ABCC4: variants seen among roughly 807,000 people sequenced by gnomAD.
ABCC4 encodes ATP-binding cassette sub-family C member 4.
A neutral mutation model predicts 168.5 loss-of-function variants in ABCC4; 102 were observed. The ratio of observed to expected loss-of-function variants is 0.61; its 90% CI spans 0.52 to 0.71. The LOEUF (loss-of-function observed/expected upper bound fraction) is 0.71. Among genes scored for constraint, ABCC4 ranks in the 30% least tolerant of loss-of-function variants. ABCC4 has a pLI of 0.00. For synonymous variants in ABCC4, 617 were observed against 590.7 expected, an observed-to-expected ratio of 1.04 and a Z score of -0.65; for missense variants, 1,402 against 1,605.8, an observed-to-expected ratio of 0.87 and a Z score of 2.17.
chr13:95,233,956 C>T (rs2039691852), intron 4 of ABCC4, among the ~76,000 whole-genome samples: 1 of 152,156 alleles, frequency 6.6e-6, no homozygotes, highest in South Asian at 2.1e-4. Context: ...TTCTTAAATA[C>T]CATTAAAAAC....
chr13:95,096,777 T>C (rs554280795), intron 20 of ABCC4, among the ~76,000 whole-genome samples: 2 of 152,120 alleles, frequency 1.3e-5, no homozygotes, highest in South Asian at 4.2e-4. Context: ...TAGGAGAAGG[T>C]CTCTAGCAGA....
At chr13:95,123,839 C>A (rs764807317) in intron 19 of ABCC4, among the ~76,000 whole-genome samples, 1 of 152,224 alleles carries the variant, frequency 6.6e-6, no homozygotes, top group Non-Finnish European at 1.5e-5. Context: ...GGGGCATCAC[C>A]AGCTGGTGCG....
intron 3 of ABCC4, among the ~76,000 whole-genome samples, chr13:95,239,208 G>C (rs1440969145): frequency 6.6e-6 from 1 of 151,826 alleles, no homozygotes; most frequent in Non-Finnish European, 1.5e-5. Context: ...TCATATTATG[G>C]GTAATAGTGT....
intron 19 of ABCC4, among the ~76,000 whole-genome samples, chr13:95,157,985 T>C (rs916828142): frequency 6.8e-6 from 1 of 146,242 alleles, no homozygotes; most frequent in East Asian, 2.0e-4. Flanking sequence ...GGCAAGAGAA[T>C]GGCATGAACC....
chr13:95,233,064 A>AT (rs1279727793), intron 4 of ABCC4, among the ~76,000 whole-genome samples: 1 of 152,026 alleles, frequency 6.6e-6, no homozygotes, highest in African/African-American at 2.4e-5. Flanking sequence ...ACACACACAG[A>AT]TTTTTTTCTT....
intron 4 of ABCC4, among the ~76,000 whole-genome samples, chr13:95,219,596 T>C (rs2039254989): frequency 6.6e-6 from 1 of 152,168 alleles, no homozygotes; most frequent in Admixed American, 6.5e-5. Context: ...AGCTTCCACC[T>C]CTGGGGTCCA....
chr13:95,225,583 T>C (rs906860550), intron 4 of ABCC4, among the ~76,000 whole-genome samples: 1 of 152,124 alleles, frequency 6.6e-6, no homozygotes, highest in Non-Finnish European at 1.5e-5. Flanking sequence ...GGCAGGGTAA[T>C]TGCTTGAGCC....
intron 19 of ABCC4, among the ~76,000 whole-genome samples, chr13:95,119,006 C>T (rs1297946126): frequency 2.0e-5 from 3 of 152,170 alleles, no homozygotes; most frequent in African/African-American, 7.2e-5. Flanking sequence ...CACAGGGTCC[C>T]ATGTTGGCCA....
intron 20 of ABCC4, among the ~76,000 whole-genome samples, chr13:95,084,396 C>T (rs1189435): frequency 0.93 from 142,204 of 152,270 alleles, 66,521 homozygotes; most frequent in Non-Finnish European, 0.96. Context: ...GAATTTTTCT[C>T]TAATTTTTCC....
At chr13:95,077,961 T>C (rs1204822772) in intron 21 of ABCC4, among the ~76,000 whole-genome samples, 1 of 152,182 alleles carries the variant, frequency 6.6e-6, no homozygotes, top group African/African-American at 2.4e-5. Context: ...ACTGGGGTTC[T>C]GAGAAAGTGG....
Position 95,021,356 on chromosome 13 carries a change from G to A in ABCC4, c.*219C>T. 2.1e-6 allele frequency: 1 copy of A among 475,366 alleles called. No individual in the cohort carries two copies. Among genetic ancestry groups the A allele is most frequent in the Non-Finnish European group, 3.7e-6 (1 of 269,604 alleles). The allele number at this position is 475,366 out of a possible 1,614,324, so 29.4% of individuals were successfully genotyped here. ...CATTTAACTGGTGGCCTGCACCTCT[G>A]ATTTGGATTTTAAAAAACAACTATT... On this transcript the variant is annotated 3_prime_UTR_variant, in exon 31 of 31. Coordinates refer to ENST00000645237, the MANE Select transcript of ABCC4 (RefSeq NM_005845.5).
chr13:95,215,289 C>G (rs2039079191), intron 4 of ABCC4, among the ~76,000 whole-genome samples: 1 of 152,038 alleles, frequency 6.6e-6, no homozygotes, highest in Admixed American at 6.5e-5. Context: ...GTAGACCCAG[C>G]TACTCGGGGG....
intron 1 of ABCC4, among the ~76,000 whole-genome samples, chr13:95,286,190 G>T (rs1013165404): frequency 6.9e-6 from 1 of 145,598 alleles, no homozygotes; most frequent in Admixed American, 7.2e-5. Context: ...CACAATTTCG[G>T]CTCACTGCAA....
chr13:95,141,188 G>A lies in ABCC4; in HGVS notation c.2455+20001C>T, dbSNP rs148112301. Among the ~76,000 whole-genome samples, 542 of 152,326 alleles carry A rather than the reference G, an allele frequency of 3.6e-3. 1 individual carries two copies. The highest frequency in any genetic ancestry group is 0.012 in the African/African-American group (509 of 41,572). The stretch of plus-strand genomic sequence containing the variant: ...ATATTTTCACCAGAAAGGAGTAAAA[G>A]AGCTTTAATCCTCTGACATTACAAG... On this transcript the variant is annotated intron_variant, in intron 19 of 30. Coordinates refer to ENST00000645237, the MANE Select transcript of ABCC4 (RefSeq NM_005845.5).
At chr13:95,229,500 C>G (rs2039558164) in intron 4 of ABCC4, among the ~76,000 whole-genome samples, 1 of 152,206 alleles carries the variant, frequency 6.6e-6, no homozygotes. Context: ...CTTTACCTGG[C>G]ATTCAGGACA....
At chr13:95,087,630 T>C (rs965582131) in intron 20 of ABCC4, among the ~76,000 whole-genome samples, 4 of 152,236 alleles carry the variant, frequency 2.6e-5, no homozygotes, top group African/African-American at 7.2e-5. Context: ...AAAAATGTAA[T>C]TCTGTCAAAT....
intron 20 of ABCC4, among the ~76,000 whole-genome samples, chr13:95,106,180 G>A (rs1354697945): frequency 6.6e-6 from 1 of 151,946 alleles, no homozygotes; most frequent in Non-Finnish European, 1.5e-5. Flanking sequence ...TGGCTAAAAT[G>A]TAGACTCCGA....
At chr13:95,144,132 A>G (rs546055888) in intron 19 of ABCC4, among the ~76,000 whole-genome samples, 2 of 152,342 alleles carry the variant, frequency 1.3e-5, no homozygotes, top group Non-Finnish European at 2.9e-5. Context: ...GGATTTTTCC[A>G]GGTCACACAA....
intron 8 of ABCC4, among the ~76,000 whole-genome samples, chr13:95,204,865 A>G (rs746798059): frequency 3.9e-5 from 6 of 152,192 alleles, no homozygotes; most frequent in Non-Finnish European, 7.3e-5. Context: ...TAACATGTAC[A>G]GGCTTCCAAG....
Sources: gnomAD v4.1 joint callset for allele counts (sites outside exome capture counted in the v4.1 genomes callset) on GRCh38, gnomAD v4.1.1 for gene constraint, MANE v1.5 for transcripts, NCBI Gene and HGNC (gene_info 2026-07-23, HGNC 2026-07-21) for gene names.